Variants in IL18BP observed in about 807,000 individuals in gnomAD.
IL18BP encodes interleukin 18 binding protein, also known as interleukin-18-binding protein.
A neutral mutation model predicts 19.9 loss-of-function variants in IL18BP; 23 were observed. The observed-to-expected ratio is 1.15, with a 90% CI of 0.83 to 1.64. The LOEUF (loss-of-function observed/expected upper bound fraction) is 1.64. Ranked by LOEUF, IL18BP falls within the 40% of genes most tolerant of loss-of-function variation. The pLI is 0.00. For missense variants in IL18BP, 239 were observed against 240.7 expected, an observed-to-expected ratio of 0.99 and a Z score of 0.05; for synonymous variants, 107 against 101.0, an observed-to-expected ratio of 1.06 and a Z score of -0.35.
intron 1 of IL18BP, chr11:71,999,563 A>G: frequency 4.6e-6 from 1 of 219,742 alleles, no homozygotes; most frequent in Non-Finnish European, 9.3e-6. Flanking sequence ...AGTGAAATAG[A>G]GGGTCGGGGC....
At chr11:72,000,076 A>G (rs1955130592) in intron 2 of IL18BP, 64 bp downstream of exon 2, 3 of 1,569,744 alleles carry the variant, frequency 1.9e-6, no homozygotes, top group Non-Finnish European at 1.8e-6. Context: ...GAATGGAGCA[A>G]TGGGCTAACC....
chr11:72,003,554 T>C, downstream of IL18BP: 2 of 1,614,036 alleles, frequency 1.2e-6, no homozygotes, highest in South Asian at 1.1e-5. Flanking sequence ...AGAGACACAG[T>C]CACATGGCCA....
Position 72,002,218 on chromosome 11 carries a change from C to G in IL18BP, c.*357C>G, listed in dbSNP as rs1427765607. The G allele has an allele frequency of 1.0e-5, 3 of 298,484 alleles. No homozygotes were observed. Among genetic ancestry groups the G allele is most frequent in the Middle Eastern group, 9.3e-4 (1 of 1,076 alleles). The allele number at this position is 298,484 out of a possible 1,614,324, so 18.5% of individuals were successfully genotyped here. A position where few individuals can be genotyped will look rare whatever the true frequency, so the allele number is the denominator to read the frequency against. ...CATTTCCCACATGACTTTCTGGAAG[C>G]CTCCCAACTATTCTTGCTTTTCCCA... is the stretch of plus-strand genomic sequence containing the variant. On this transcript the variant is annotated 3_prime_UTR_variant, in exon 6 of 6. Transcript: ENST00000393703.
At position 71,999,977 on chromosome 11, in the gene IL18BP, C is replaced by G; in HGVS notation, c.-8C>G. On this transcript the variant is annotated 5_prime_UTR_variant, in exon 2 of 6. Transcript: ENST00000393703. ...GAGCCAGGCTCACCAGCTCCTGACGCATGCATCATGACCATGAGACACAAC... is the reference window on the plus strand; with the variant it reads ...GAGCCAGGCTCACCAGCTCCTGACGGATGCATCATGACCATGAGACACAAC... The G allele has an allele frequency of 1.2e-6, 2 of 1,613,828 alleles. No homozygotes were observed. The highest frequency in any genetic ancestry group is 2.7e-5 in the African/African-American group (2 of 75,036).
downstream of IL18BP, chr11:72,003,501 T>C: frequency 6.2e-7 from 1 of 1,611,686 alleles, no homozygotes; most frequent in Non-Finnish European, 8.5e-7. Context: ...GGGACACAGG[T>C]GGGGCCACTC....
At chr11:71,999,295 T>C (rs1955087762) in intron 1 of IL18BP, 1 of 396,998 alleles carries the variant, frequency 2.5e-6, no homozygotes, top group Non-Finnish European at 5.0e-6. Context: ...CCTGTTCATA[T>C]GGAAACAAAG....
Position 71,999,846 on chromosome 11 carries a change from A to C in IL18BP, c.-58-81A>C. 5 of 751,758 alleles carry C rather than the reference A, an allele frequency of 6.7e-6. No homozygotes were observed. The South Asian group carries it at 8.7e-5, about 13-fold the overall frequency. The allele number at this position is 751,758 out of a possible 1,614,324, so 46.6% of individuals were successfully genotyped here. ...GAGCTCCAGGCTATGCTACGGGAGG[A>C]GAAGCCAGCTACTGAGGAAAAGCCA... On this transcript the variant is annotated intron_variant, in intron 1 of 5. Transcript: ENST00000393703.
downstream of IL18BP, chr11:72,004,322 C>T (rs1346488233): frequency 6.2e-7 from 1 of 1,613,036 alleles, no homozygotes; most frequent in East Asian, 2.2e-5. Context: ...GCGTGGGAAA[C>T]AGCTGGTGGC....
intron 1 of IL18BP, 96 bp downstream of exon 1, chr11:71,999,115 T>G (rs1211344417): frequency 3.9e-6 from 2 of 513,882 alleles, no homozygotes; most frequent in Non-Finnish European, 3.9e-6. Context: ...TGCTGGGAGA[T>G]GTAGCCGACC....
At chr11:72,006,792 C>T (rs764299152), downstream of IL18BP, among the ~76,000 whole-genome samples, 2 of 152,244 alleles carry the variant, frequency 1.3e-5, no homozygotes, top group Non-Finnish European at 2.9e-5. Flanking sequence ...TCCCAAACCT[C>T]CCCTTCAAGA....
chr11:72,001,958 G>T lies in IL18BP; in HGVS notation c.*97G>T. 1.3e-6 allele frequency: 2 copies of T among 1,542,722 alleles called. No homozygotes were observed. The highest frequency in any genetic ancestry group is 2.3e-5 in the South Asian group (2 of 85,524). ...CAGTCCCTGACTGCCTGTAGGCTGC[G>T]TGGATGCGCAACACACCCCCTCCTT... On this transcript the variant is annotated 3_prime_UTR_variant, in exon 6 of 6. Transcript: ENST00000393703.
At chr11:72,003,516 G>A (rs1955404916), downstream of IL18BP, 1 of 1,613,474 alleles carries the variant, frequency 6.2e-7, no homozygotes, top group Non-Finnish European at 8.5e-7. Flanking sequence ...CCACTCACTG[G>A]TACTGGCCCT....
chr11:72,007,401 C>T (rs201074875), downstream of IL18BP: 20 of 1,613,714 alleles, frequency 1.2e-5, no homozygotes, highest in East Asian at 8.9e-5. Context: ...TCTCCAGGGA[C>T]GCTGGTGCCG....
At position 72,002,150 on chromosome 11, in the gene IL18BP, A is replaced by C; in HGVS notation, c.*289A>C. On this transcript the variant is annotated 3_prime_UTR_variant, in exon 6 of 6. Coordinates refer to ENST00000393703, the MANE Select transcript of IL18BP (RefSeq NM_001039660.2). ...ACTGCTCTACTGCTCAGAAACCACC[A>C]AGACTGTTGATGCCTTAGCCTTGCA... is the stretch of plus-strand genomic sequence containing the variant. 2.0e-6 allele frequency: 1 copy of C among 488,144 alleles called. No individual in the cohort carries two copies. The highest frequency in any genetic ancestry group is 3.7e-6 in the Non-Finnish European group (1 of 271,832). The allele number at this position is 488,144 out of a possible 1,614,324, so 30.2% of individuals were successfully genotyped here.
At chr11:72,004,599 A>T (rs772384286), downstream of IL18BP, 1 of 1,592,530 alleles carries the variant, frequency 6.3e-7, no homozygotes, top group South Asian at 1.1e-5. Context: ...GCCTGACCTG[A>T]GCACAGTGCT....
downstream of IL18BP, chr11:72,007,498 T>G: frequency 6.3e-7 from 1 of 1,582,724 alleles, no homozygotes; most frequent in South Asian, 1.1e-5. Context: ...GTCCAGCCCT[T>G]TTTGAAAGTG....
At chr11:72,007,300 G>T (rs775557828), downstream of IL18BP, 1 of 1,613,318 alleles carries the variant, frequency 6.2e-7, no homozygotes, top group South Asian at 1.1e-5. Context: ...TCTCCAGGGG[G>T]GCCTGACTCC....
At position 72,002,181 on chromosome 11, in the gene IL18BP, G is replaced by A. The variant is rs554527150; in HGVS notation, c.*320G>A. ...GTTGATGCCTTAGCCTTGCACTCCA[G>A]GGCCCTACCTGCATTTCCCACATGA... On this transcript the variant is annotated 3_prime_UTR_variant, in exon 6 of 6. Transcript: ENST00000393703. 7.6e-6 allele frequency: 3 copies of A among 393,506 alleles called. No individual in the cohort carries two copies. The highest frequency in any genetic ancestry group is 1.4e-5 in the Non-Finnish European group (3 of 218,094). 24.4% of individuals were successfully genotyped at this position (393,506 alleles called of 1,614,324 possible).
At chr11:72,007,434 T>C, downstream of IL18BP, 1 of 1,613,242 alleles carries the variant, frequency 6.2e-7, no homozygotes, top group South Asian at 1.1e-5. Flanking sequence ...CGAGGCAGCT[T>C]GCTATGGAAA....
Sources: allele counts gnomAD v4.1 joint callset (sites outside exome capture counted in the v4.1 genomes callset), GRCh38; gene constraint gnomAD v4.1.1; transcripts MANE v1.5; gene names NCBI Gene and HGNC (gene_info 2026-07-23, HGNC 2026-07-21).